OR51B5: variants seen among roughly 807,000 people sequenced by gnomAD.
OR51B5 encodes the protein olfactory receptor 51B5.
For missense variants in OR51B5, 456 were observed against 374.6 expected (o/e 1.22, Z -1.79); for synonymous variants, 186 against 144.8 (o/e 1.28, Z -2.04).
chr11:5,411,961 T>G (rs746769748), intron 1 of OR51B5, among the ~76,000 whole-genome samples: 1 of 152,254 alleles, frequency 6.6e-6, no homozygotes, highest in Non-Finnish European at 1.5e-5. Flanking sequence ...AGCCAATCTC[T>G]TGATTTTAGC....
intron 1 of OR51B5, among the ~76,000 whole-genome samples, chr11:5,480,808 G>T (rs1225569820): frequency 7.6e-6 from 1 of 131,596 alleles, no homozygotes; most frequent in Non-Finnish European, 1.6e-5. Flanking sequence ...ACTAAACCAG[G>T]AAGAAGTTGA....
intron 1 of OR51B5, among the ~76,000 whole-genome samples, chr11:5,372,662 G>T (rs1338882394): frequency 6.6e-6 from 1 of 152,210 alleles, no homozygotes; most frequent in African/African-American, 2.4e-5. Context: ...TTGGGTATTA[G>T]ACTTGTATCA....
downstream of OR51B5, chr11:5,342,507 C>T: frequency 6.7e-7 from 1 of 1,491,340 alleles, no homozygotes; most frequent in Non-Finnish European, 8.9e-7. Context: ...AGCATGCATG[C>T]TAGATATGAG....
intron 1 of OR51B5, among the ~76,000 whole-genome samples, chr11:5,380,553 G>A (rs112301419): frequency 3.9e-4 from 60 of 152,268 alleles, no homozygotes; most frequent in African/African-American, 1.4e-3. Flanking sequence ...AACCCTGTGA[G>A]TAAGGATTTT....
chr11:5,483,512 A>T (rs1237209112), intron 1 of OR51B5, among the ~76,000 whole-genome samples: 2 of 135,812 alleles, frequency 1.5e-5, no homozygotes, highest in Admixed American at 1.5e-4. Flanking sequence ...TATAATTAAA[A>T]AAAAAAGAAA....
At chr11:5,428,997 T>C (rs576775094) in intron 1 of OR51B5, among the ~76,000 whole-genome samples, 3 of 152,312 alleles carry the variant, frequency 2.0e-5, no homozygotes, top group Admixed American at 1.3e-4. Flanking sequence ...TAGTTAACAT[T>C]GCTACTGTAG....
intron 1 of OR51B5, among the ~76,000 whole-genome samples, chr11:5,413,138 T>G (rs182611000): frequency 5.6e-4 from 85 of 152,296 alleles, no homozygotes; most frequent in African/African-American, 2.0e-3. Context: ...GAAAAACCAC[T>G]GTTCTGCAGA....
At chr11:5,493,699 C>T (rs1353379865) in intron 1 of OR51B5, among the ~76,000 whole-genome samples, 1 of 152,146 alleles carries the variant, frequency 6.6e-6, no homozygotes, top group Non-Finnish European at 1.5e-5. Context: ...AAAGTCATAT[C>T]TCTGCAGCAA....
intron 1 of OR51B5, among the ~76,000 whole-genome samples, chr11:5,502,623 A>G (rs999681933): frequency 6.6e-6 from 1 of 152,212 alleles, no homozygotes; most frequent in Non-Finnish European, 1.5e-5. Flanking sequence ...TGGTCTCTAG[A>G]AAGACCGGTT....
intron 1 of OR51B5, among the ~76,000 whole-genome samples, chr11:5,412,306 A>G (rs1294895737): frequency 6.6e-6 from 1 of 152,200 alleles, no homozygotes; most frequent in Non-Finnish European, 1.5e-5. Context: ...TCGAACCGGG[A>G]GGAGCCAAGA....
At chr11:5,347,745 A>G (rs552229329), upstream of OR51B5, among the ~76,000 whole-genome samples, 121 of 152,202 alleles carry the variant, frequency 7.9e-4, no homozygotes, top group South Asian at 1.7e-3. Context: ...CACAAATAAT[A>G]GAGAAAAAGA....
At chr11:5,387,314 T>C (rs1849710187) in intron 1 of OR51B5, among the ~76,000 whole-genome samples, 1 of 152,004 alleles carries the variant, frequency 6.6e-6, no homozygotes, top group South Asian at 2.1e-4. Context: ...TGATTAAGAC[T>C]CTCCATTGCA....
At chr11:5,461,110 G>C (rs1210720502) in intron 1 of OR51B5, among the ~76,000 whole-genome samples, 2 of 152,320 alleles carry the variant, frequency 1.3e-5, no homozygotes, top group African/African-American at 4.8e-5. Context: ...CTGCGTGTGA[G>C]GGTGCACAAG....
At chr11:5,414,074 C>A (rs1431486671) in intron 1 of OR51B5, among the ~76,000 whole-genome samples, 1 of 151,882 alleles carries the variant, frequency 6.6e-6, no homozygotes, top group Non-Finnish European at 1.5e-5. Context: ...ATCAAACTAA[C>A]AGCAGCTCTC....
chr11:5,458,404 TTTG>T (rs1850994002), intron 1 of OR51B5, among the ~76,000 whole-genome samples: 1 of 152,206 alleles, frequency 6.6e-6, no homozygotes, highest in South Asian at 2.1e-4. Context: ...TGCCTCTGGT[TTTG>T]TTATTTTTGT....
At chr11:5,475,495 T>C (rs1404770705) in intron 1 of OR51B5, among the ~76,000 whole-genome samples, 1 of 152,158 alleles carries the variant, frequency 6.6e-6, no homozygotes, top group African/African-American at 2.4e-5. Context: ...CACCAACTCT[T>C]GGTGGATATT....
At chr11:5,424,276 G>C (rs904039423) in intron 1 of OR51B5, among the ~76,000 whole-genome samples, 15 of 152,104 alleles carry the variant, frequency 9.9e-5, no homozygotes, top group Admixed American at 7.2e-4. Context: ...GAAGGATTAG[G>C]CTCGTAGACA....
intron 1 of OR51B5, among the ~76,000 whole-genome samples, chr11:5,418,721 C>G (rs1339675501): frequency 1.3e-5 from 2 of 151,222 alleles, no homozygotes; most frequent in East Asian, 3.9e-4. Flanking sequence ...CACACCCGAG[C>G]CTATCGGGGG....
At chr11:5,359,259 A>C (rs1240637419) in intron 1 of OR51B5, among the ~76,000 whole-genome samples, 1 of 148,364 alleles carries the variant, frequency 6.7e-6, no homozygotes, top group Non-Finnish European at 1.5e-5. Flanking sequence ...GTCTCAGCCC[A>C]AAATGTCCTT....
Sources: allele counts gnomAD v4.1 joint callset (sites outside exome capture counted in the v4.1 genomes callset), GRCh38; gene constraint gnomAD v4.1.1; transcripts MANE v1.5; gene names NCBI Gene and HGNC (gene_info 2026-07-23, HGNC 2026-07-21).